Variants in CFAP54 observed in about 807,000 individuals in gnomAD.
CFAP54 encodes the protein cilia and flagella associated protein 54, also known as cilia- and flagella-associated protein 54.
In CFAP54, 290 loss-of-function variants were observed where a neutral mutation model predicts 370.4. The ratio of observed to expected loss-of-function variants is 0.78; its 90% CI spans 0.71 to 0.86. CFAP54 has a LOEUF of 0.86. CFAP54 is among the 40% of genes least tolerant of loss of function. CFAP54 has a pLI of 0.00. For missense variants in CFAP54, 3,399 were observed against 3,528.7 expected, an observed-to-expected ratio of 0.96 and a Z score of 0.93; for synonymous variants, 1,206 against 1,236.5, an observed-to-expected ratio of 0.98 and a Z score of 0.52.
chr12:96,722,542 A>C (rs1274696896), intron 50 of CFAP54, among the ~76,000 whole-genome samples: 3 of 152,204 alleles, frequency 2.0e-5, no homozygotes, highest in African/African-American at 7.2e-5. Flanking sequence ...AGGAGATTAC[A>C]TAAGACCTTT....
intron 26 of CFAP54, among the ~76,000 whole-genome samples, chr12:96,602,863 A>G (rs889654246): frequency 6.6e-6 from 1 of 152,108 alleles, no homozygotes; most frequent in African/African-American, 2.4e-5. Flanking sequence ...TGCATGTAAG[A>G]TGGGTCTCCT....
intron 39 of CFAP54, among the ~76,000 whole-genome samples, chr12:96,674,280 C>T (rs1957178687): frequency 6.6e-6 from 1 of 151,316 alleles, no homozygotes; most frequent in African/African-American, 2.4e-5. Flanking sequence ...TCTCAGGAGT[C>T]ATTGGCATTT....
chr12:96,556,322 C>CAA (rs139566944), intron 17 of CFAP54, among the ~76,000 whole-genome samples: 12 of 139,464 alleles, frequency 8.6e-5, no homozygotes, highest in African/African-American at 1.6e-4. Flanking sequence ...ATAAGGAAAG[C>CAA]AAAAAAAAAA....
intron 27 of CFAP54, among the ~76,000 whole-genome samples, chr12:96,623,213 C>T (rs1401842176): frequency 6.6e-6 from 1 of 151,012 alleles, no homozygotes; most frequent in Non-Finnish European, 1.5e-5. Flanking sequence ...GAACAAGAGA[C>T]ATTAACAGGT....
chr12:96,762,782 C>CT lies in CFAP54; in HGVS notation c.8041-1361dup, dbSNP rs1383414033. Among the ~76,000 whole-genome samples, 15 of 148,058 alleles carry CT rather than the reference C, an allele frequency of 1.0e-4. No homozygotes were observed. In the South Asian group the frequency reaches 1.3e-3, roughly 13 times the overall value. On this transcript the variant is annotated intron_variant, in intron 58 of 67. Transcript: ENST00000524981. ...AGCTAATGATTAGGGTTTTTTTTTT[C>CT]TTTTTTTTATCTTGGAATGGGGTTA...
intron 36 of CFAP54, among the ~76,000 whole-genome samples, chr12:96,654,401 T>C (rs1956896626): frequency 6.7e-6 from 1 of 149,986 alleles, no homozygotes; most frequent in Non-Finnish European, 1.5e-5. Flanking sequence ...CTTGGGAGGC[T>C]GAGGCAGGAG....
At chr12:96,649,486 G>T (rs1956834459) in intron 34 of CFAP54, among the ~76,000 whole-genome samples, 1 of 152,158 alleles carries the variant, frequency 6.6e-6, no homozygotes, top group Non-Finnish European at 1.5e-5. Flanking sequence ...CGTGGCCGAG[G>T]TTGCTGCATT....
chr12:96,842,304 G>T (rs990087624), intron 66 of CFAP54, among the ~76,000 whole-genome samples: 1 of 152,086 alleles, frequency 6.6e-6, no homozygotes, highest in African/African-American at 2.4e-5. Flanking sequence ...CCTTTACTCA[G>T]TTTCTTCCAA....
intron 58 of CFAP54, among the ~76,000 whole-genome samples, chr12:96,758,512 T>C (rs1565967681): frequency 6.6e-6 from 1 of 152,064 alleles, no homozygotes; most frequent in Non-Finnish European, 1.5e-5. Flanking sequence ...TCCCACCAGG[T>C]CCCTCCCACA....
intron 45 of CFAP54, among the ~76,000 whole-genome samples, chr12:96,699,248 T>G (rs1352031909): frequency 6.6e-6 from 1 of 152,092 alleles, no homozygotes; most frequent in Admixed American, 6.6e-5. Context: ...GCAGAAAAGG[T>G]GGGGGTTTCC....
At chr12:96,491,467 C>T (rs112226440) in intron 1 of CFAP54, among the ~76,000 whole-genome samples, 4 of 152,234 alleles carry the variant, frequency 2.6e-5, no homozygotes, top group Middle Eastern at 3.4e-3. Context: ...TAAATGATGA[C>T]ACTTGATGAA....
chr12:96,699,275 G>C (rs1323809136), intron 45 of CFAP54, among the ~76,000 whole-genome samples: 1 of 152,098 alleles, frequency 6.6e-6, no homozygotes, highest in African/African-American at 2.4e-5. Flanking sequence ...AGTAACCTCT[G>C]GTCCTTTTGT....
intron 23 of CFAP54, among the ~76,000 whole-genome samples, chr12:96,591,677 C>G (rs1956125757): frequency 6.6e-6 from 1 of 151,932 alleles, no homozygotes; most frequent in Non-Finnish European, 1.5e-5. Flanking sequence ...ATCACGAGGT[C>G]AGGAGATCGA....
chr12:96,766,297 C>T lies in CFAP54; in HGVS notation c.8281+1079C>T, dbSNP rs144451337. Among the ~76,000 whole-genome samples the T allele has an allele frequency of 4.2e-4, 64 of 152,034 alleles. No homozygotes were observed. In the East Asian group the frequency reaches 0.011, roughly 25 times the overall value. The stretch of plus-strand genomic sequence containing the variant: ...TTTGTTTTCTTACTTTTATTTCCTT[C>T]GTGCCTGGGAGAATTTTGCTTTATT... On this transcript the variant is annotated intron_variant, in intron 60 of 67. Transcript: ENST00000524981.
chr12:96,596,906 A>G (rs559288284), intron 25 of CFAP54, among the ~76,000 whole-genome samples: 31 of 152,232 alleles, frequency 2.0e-4, no homozygotes, highest in Non-Finnish European at 4.1e-4. Context: ...TGAGTGAGAA[A>G]CATATGAAAA....
intron 22 of CFAP54, among the ~76,000 whole-genome samples, chr12:96,586,939 G>A (rs4762309): frequency 0.31 from 46,829 of 152,038 alleles, 7,357 homozygotes; most frequent in Non-Finnish European, 0.34. Context: ...CCAGTGTGCT[G>A]GTAGCTGATG....
intron 5 of CFAP54, among the ~76,000 whole-genome samples, chr12:96,517,434 A>T (rs776293373): frequency 6.6e-6 from 1 of 152,252 alleles, no homozygotes; most frequent in Non-Finnish European, 1.5e-5. Flanking sequence ...AATTTCTAAT[A>T]CCAGGAGTCC....
intron 60 of CFAP54, 115 bp from the exon 61 acceptor site, chr12:96,784,602 T>C (rs1344932053): frequency 2.9e-5 from 21 of 735,952 alleles, no homozygotes; most frequent in Admixed American, 7.0e-5. Context: ...AAATTGAACA[T>C]AGTATCATGT....
At chr12:96,554,458 G>A in intron 16 of CFAP54, 148 bp downstream of exon 16, 1 of 1,121,072 alleles carries the variant, frequency 8.9e-7, no homozygotes, top group Non-Finnish European at 1.2e-6. Flanking sequence ...AAGAGAGCTA[G>A]GAGAATGAGG....
Sources: allele counts gnomAD v4.1 joint callset (sites outside exome capture counted in the v4.1 genomes callset), GRCh38; gene constraint gnomAD v4.1.1; transcripts MANE v1.5; gene names NCBI Gene and HGNC (gene_info 2026-07-23, HGNC 2026-07-21).